MAGI1: variants seen among roughly 807,000 people sequenced by gnomAD.
MAGI1 encodes the protein membrane associated guanylate kinase, WW and PDZ domain containing 1, also known as membrane-associated guanylate kinase, WW and PDZ domain-containing protein 1.
Under a neutral mutation model 139.9 loss-of-function variants are expected in MAGI1, and 58 were observed. That is an observed-to-expected ratio of 0.41 (90% CI 0.34 to 0.52). The LOEUF (loss-of-function observed/expected upper bound fraction) is 0.52. Ranked by LOEUF, MAGI1 falls within the 20% of genes least tolerant of loss-of-function variation. The probability of loss-of-function intolerance (pLI) is 0.12; values close to 1 mark genes in which losing one functional copy is unlikely to be tolerated. For synonymous variants in MAGI1, 812 were observed against 737.9 expected (o/e 1.10, Z -1.63); for missense variants, 1,874 against 1,901.6 (o/e 0.99, Z 0.27).
At chr3:65,459,183 G>C (rs1949608714) in intron 5 of MAGI1, among the ~76,000 whole-genome samples, 1 of 152,128 alleles carries the variant, frequency 6.6e-6, no homozygotes, top group African/African-American at 2.4e-5. Flanking sequence ...TGCCAGTACT[G>C]TGCTGCTTTG....
intron 1 of MAGI1, among the ~76,000 whole-genome samples, chr3:65,721,674 G>A (rs2033040285): frequency 6.6e-6 from 1 of 152,102 alleles, no homozygotes; most frequent in African/African-American, 2.4e-5. Flanking sequence ...ACACAGAAAT[G>A]TAAAAGAGAA....
chr3:65,384,357 C>G (rs560506216), intron 14 of MAGI1, among the ~76,000 whole-genome samples: 2 of 152,212 alleles, frequency 1.3e-5, no homozygotes, highest in South Asian at 2.1e-4. Context: ...TTTTTTTCTT[C>G]TCGTTATTCC....
intron 3 of MAGI1, among the ~76,000 whole-genome samples, chr3:65,492,850 G>A (rs561943298): frequency 3.9e-5 from 6 of 152,086 alleles, no homozygotes; most frequent in East Asian, 1.9e-4. Flanking sequence ...AGGCCAAGGC[G>A]GGCGGATCAC....
At chr3:65,367,513 T>G (rs929571799) in intron 18 of MAGI1, among the ~76,000 whole-genome samples, 1 of 152,194 alleles carries the variant, frequency 6.6e-6, no homozygotes, top group Non-Finnish European at 1.5e-5. Context: ...CCTCATTTGT[T>G]GTTTATCTTA....
chr3:65,493,187 T>C (rs757506644), intron 3 of MAGI1, among the ~76,000 whole-genome samples: 5 of 152,128 alleles, frequency 3.3e-5, no homozygotes, highest in East Asian at 1.9e-4. Context: ...ACACTACTTA[T>C]AGGATCACAT....
At chr3:66,004,786 C>T (rs930443748) in intron 1 of MAGI1, among the ~76,000 whole-genome samples, 1 of 152,118 alleles carries the variant, frequency 6.6e-6, no homozygotes, top group South Asian at 2.1e-4. Flanking sequence ...CAGGCATCTT[C>T]GACTATCGCA....
Position 65,543,762 on chromosome 3 carries a change from G to A in MAGI1, c.431-50131C>T, listed in dbSNP as rs180899351. ...ACTGGGGCCTGTCAGGGATGGGGGG[G>A]GGTACAAGAGGGATAGCATTTGGAG... On this transcript the variant is annotated intron_variant, in intron 2 of 22. Transcript: ENST00000402939. Among the ~76,000 whole-genome samples, 373 of 151,958 alleles carry A rather than the reference G, an allele frequency of 2.5e-3. 1 individual carries two copies. The highest frequency in any genetic ancestry group is 8.5e-3 in the African/African-American group (352 of 41,468).
intron 13 of MAGI1, among the ~76,000 whole-genome samples, chr3:65,393,118 A>G (rs930293518): frequency 3.3e-5 from 5 of 152,208 alleles, no homozygotes; most frequent in African/African-American, 1.2e-4. Context: ...GCCATTCCAG[A>G]GTTGATAGAA....
chr3:65,367,113 A>C (rs1669670743), intron 18 of MAGI1, among the ~76,000 whole-genome samples: 1 of 152,038 alleles, frequency 6.6e-6, no homozygotes, highest in Admixed American at 6.6e-5. Flanking sequence ...TTTTATGGAG[A>C]CTCTCAGAAA....
chr3:65,471,534 C>T (rs562112164), intron 4 of MAGI1, among the ~76,000 whole-genome samples: 2 of 152,180 alleles, frequency 1.3e-5, no homozygotes, highest in East Asian at 3.9e-4. Flanking sequence ...AAACTAACAC[C>T]ACCACCACCA....
chr3:65,389,029 G>A (rs986016235), intron 14 of MAGI1, among the ~76,000 whole-genome samples: 5 of 151,608 alleles, frequency 3.3e-5, no homozygotes, highest in East Asian at 1.9e-4. Flanking sequence ...TTTTTTAGCA[G>A]AGACGGGGTT....
chr3:65,940,708 T>G (rs897397420), intron 1 of MAGI1, among the ~76,000 whole-genome samples: 2 of 152,210 alleles, frequency 1.3e-5, no homozygotes, highest in Non-Finnish European at 2.9e-5. Flanking sequence ...TTGGTAACAT[T>G]CTGAATTTTA....
rs187648574 is a variant in MAGI1, at chr3:65,509,636, C to T, written c.431-16005G>A. ...CGAACCACGAGATTATATCCCACACCTGGCTCAGAGGGTCCTACGCCCACG... is the reference window on the plus strand; with the variant it reads ...CGAACCACGAGATTATATCCCACACTTGGCTCAGAGGGTCCTACGCCCACG... On this transcript the variant is annotated intron_variant, in intron 2 of 22. Coordinates refer to ENST00000402939, the MANE Select transcript of MAGI1 (RefSeq NM_001033057.2). 3.3e-5 allele frequency among the ~76,000 whole-genome samples: 5 copies of T among 152,352 alleles called. No homozygotes were observed. The East Asian group carries it at 9.7e-4, about 29-fold the overall frequency.
intron 1 of MAGI1, among the ~76,000 whole-genome samples, chr3:65,723,220 T>C (rs377075467): frequency 4.6e-5 from 7 of 152,282 alleles, no homozygotes; most frequent in East Asian, 1.9e-4. Context: ...GTGAAACCCC[T>C]TGTGGCACTG....
chr3:65,979,065 C>G (rs896729038), intron 1 of MAGI1, among the ~76,000 whole-genome samples: 3 of 146,698 alleles, frequency 2.0e-5, no homozygotes, highest in African/African-American at 7.6e-5. Context: ...TTAGAAAGAA[C>G]AGCCAAAGTT....
intron 3 of MAGI1, among the ~76,000 whole-genome samples, chr3:65,490,621 G>A (rs1295027326): frequency 2.0e-5 from 3 of 151,920 alleles, no homozygotes; most frequent in Admixed American, 1.3e-4. Context: ...CGATGCAGGC[G>A]GATCACGAAG....
intron 1 of MAGI1, among the ~76,000 whole-genome samples, chr3:65,700,898 C>T (rs565366231): frequency 6.6e-6 from 1 of 152,272 alleles, no homozygotes; most frequent in South Asian, 2.1e-4. Context: ...GGAAGTACAG[C>T]TCTTCAGGTC....
chr3:65,448,964 C>G (rs1013883458), intron 6 of MAGI1, among the ~76,000 whole-genome samples: 2 of 152,014 alleles, frequency 1.3e-5, no homozygotes, highest in African/African-American at 4.8e-5. Flanking sequence ...AGGAATTGAG[C>G]CTGTTTTCAG....
intron 4 of MAGI1, among the ~76,000 whole-genome samples, chr3:65,475,144 G>C (rs777607393): frequency 1.3e-5 from 2 of 151,598 alleles, no homozygotes; most frequent in Non-Finnish European, 2.9e-5. Flanking sequence ...GAAATGTTTT[G>C]ATGTCTCTCA....
Sources: gnomAD v4.1 joint callset for allele counts (sites outside exome capture counted in the v4.1 genomes callset) on GRCh38, gnomAD v4.1.1 for gene constraint, MANE v1.5 for transcripts, NCBI Gene and HGNC (gene_info 2026-07-23, HGNC 2026-07-21) for gene names.